Variants in DAPK1 observed in about 807,000 individuals in gnomAD.
The protein encoded by DAPK1 is death associated protein kinase 1.
In DAPK1, 56 loss-of-function variants were observed where a neutral mutation model predicts 144.9. The observed-to-expected ratio is 0.39, with a 90% CI of 0.31 to 0.48. DAPK1 has a LOEUF of 0.48. DAPK1 is among the 20% of genes least tolerant of loss of function. The pLI, the probability that DAPK1 is intolerant of heterozygous loss-of-function variation, is 0.95. For missense variants in DAPK1, 1,454 were observed against 1,875.4 expected (o/e 0.78, Z 4.15); for synonymous variants, 690 against 749.0 (o/e 0.92, Z 1.29).
At chr9:87,500,245 C>G (rs1824341890) in intron 2 of DAPK1, among the ~76,000 whole-genome samples, 1 of 152,160 alleles carries the variant, frequency 6.6e-6, no homozygotes, top group Non-Finnish European at 1.5e-5. Flanking sequence ...GAGTATTTCT[C>G]TAAATATTTA....
intron 2 of DAPK1, among the ~76,000 whole-genome samples, chr9:87,553,087 T>G (rs1983973): frequency 0.19 from 28,988 of 152,028 alleles, 4,203 homozygotes; most frequent in African/African-American, 0.39. Context: ...CTTTCTACTT[T>G]CTGTCTCTGA....
At chr9:87,552,404 G>A (rs572783853) in intron 2 of DAPK1, among the ~76,000 whole-genome samples, 4 of 130,506 alleles carry the variant, frequency 3.1e-5, no homozygotes, top group African/African-American at 5.3e-5. Context: ...CAGTGACGGG[G>A]CACCACTTTC....
chr9:87,622,368 A>G (rs558378779), intron 3 of DAPK1, among the ~76,000 whole-genome samples: 1 of 152,184 alleles, frequency 6.6e-6, no homozygotes, highest in East Asian at 2.0e-4. Context: ...CTGCCTGAGC[A>G]GCAGGCTCCG....
intron 21 of DAPK1, among the ~76,000 whole-genome samples, chr9:87,692,989 T>C (rs1407260929): frequency 8.0e-6 from 1 of 125,188 alleles, no homozygotes; most frequent in Admixed American, 7.8e-5. Flanking sequence ...TTTTTTTTTT[T>C]TTCTGTTTTC....
rs1456004431 is a variant in DAPK1, at chr9:87,597,535, G to T, written c.63-7419G>T. ...TTCTTGGCTTCTCTGAGAAGTTCAC[G>T]AAGCTTAGACAGCTTGGTAATTTTC... On this transcript the variant is annotated intron_variant, in intron 2 of 25. Coordinates refer to ENST00000408954, the MANE Select transcript of DAPK1 (RefSeq NM_004938.4). 5.9e-5 allele frequency among the ~76,000 whole-genome samples: 9 copies of T among 152,260 alleles called. 1 individual carries two copies. The highest frequency in any genetic ancestry group is 4.6e-4 in the Admixed American group (7 of 15,294).
rs149755997 is a variant in DAPK1, at chr9:87,673,889, C to T, written c.2001+5215C>T. On this transcript the variant is annotated intron_variant, in intron 19 of 25. Coordinates refer to ENST00000408954, the MANE Select transcript of DAPK1 (RefSeq NM_004938.4). ...AGAGCCCGCGCTTGGCTGTAGGTAC[C>T]ACCTTATCACAGAGGGAAGTTGTAC... 1.3e-3 allele frequency among the ~76,000 whole-genome samples: 194 copies of T among 152,188 alleles called. 1 individual carries two copies. Among genetic ancestry groups the T allele is most frequent in the African/African-American group, 4.2e-3 (175 of 41,546 alleles).
At chr9:87,510,226 C>T (rs970665516) in intron 2 of DAPK1, among the ~76,000 whole-genome samples, 4 of 152,084 alleles carry the variant, frequency 2.6e-5, no homozygotes, top group South Asian at 2.1e-4. Flanking sequence ...ATGTCAGCCT[C>T]GTGGCCATGG....
intron 2 of DAPK1, among the ~76,000 whole-genome samples, chr9:87,503,140 T>C (rs1824469749): frequency 6.6e-6 from 1 of 152,206 alleles, no homozygotes; most frequent in Non-Finnish European, 1.5e-5. Context: ...TTTAAACATC[T>C]GACATGCAGT....
chr9:87,577,959 T>C lies in DAPK1; in HGVS notation c.63-26995T>C, dbSNP rs576856997. Among the ~76,000 whole-genome samples the C allele has an allele frequency of 4.6e-5, 7 of 152,244 alleles. No individual in the cohort carries two copies. The South Asian group carries it at 1.5e-3, about 32-fold the overall frequency. ...GGAGGAAGAATTATTTTGGAACAGG[T>C]GCTCAGAGGCGATGACAGGGATGAG... On this transcript the variant is annotated intron_variant, in intron 2 of 25. Coordinates refer to ENST00000408954, the MANE Select transcript of DAPK1 (RefSeq NM_004938.4).
intron 3 of DAPK1, among the ~76,000 whole-genome samples, chr9:87,609,689 G>C (rs36207733): frequency 2.2e-4 from 33 of 152,178 alleles, no homozygotes; most frequent in African/African-American, 7.7e-4. Flanking sequence ...TAAGAATGCT[G>C]AAGTACAGGG....
chr9:87,564,085 C>T (rs1434107712), intron 2 of DAPK1, among the ~76,000 whole-genome samples: 1 of 152,234 alleles, frequency 6.6e-6, no homozygotes, highest in East Asian at 1.9e-4. Flanking sequence ...CGGATTCCCT[C>T]TGGTGCCCTC....
intron 2 of DAPK1, among the ~76,000 whole-genome samples, chr9:87,575,714 C>T (rs1368131533): frequency 6.6e-6 from 1 of 152,146 alleles, no homozygotes; most frequent in Non-Finnish European, 1.5e-5. Flanking sequence ...GTGGGCTGAA[C>T]GTTATCTCTC....
upstream of DAPK1, chr9:87,497,257 G>A (rs1564109556): frequency 6.6e-6 from 1 of 152,120 alleles, no homozygotes; most frequent in African/African-American, 2.4e-5. Flanking sequence ...TTGCCTTCAA[G>A]CCTCGGCTCC....
At chr9:87,560,826 C>T (rs576506711) in intron 2 of DAPK1, among the ~76,000 whole-genome samples, 29 of 152,038 alleles carry the variant, frequency 1.9e-4, no homozygotes, top group African/African-American at 5.3e-4. Context: ...CCACCACGCC[C>T]GGCTAACTTT....
intron 2 of DAPK1, among the ~76,000 whole-genome samples, chr9:87,557,420 G>C (rs1355950119): frequency 6.6e-6 from 1 of 152,172 alleles, no homozygotes; most frequent in East Asian, 1.9e-4. Flanking sequence ...AGAAAATACA[G>C]CTTTCTTCCT....
chr9:87,608,429 C>T (rs1196871686), intron 3 of DAPK1, among the ~76,000 whole-genome samples: 3 of 152,212 alleles, frequency 2.0e-5, no homozygotes, highest in Non-Finnish European at 4.4e-5. Context: ...AAAACTGCTA[C>T]AAACATTCCC....
At chr9:87,544,852 T>C (rs964955001) in intron 2 of DAPK1, among the ~76,000 whole-genome samples, 2 of 152,056 alleles carry the variant, frequency 1.3e-5, no homozygotes, top group Non-Finnish European at 2.9e-5. Flanking sequence ...GAGGATGAAA[T>C]TGAACAGTGA....
At chr9:87,576,395 G>A (rs149282439) in intron 2 of DAPK1, among the ~76,000 whole-genome samples, 149 of 152,276 alleles carry the variant, frequency 9.8e-4, no homozygotes, top group African/African-American at 3.4e-3. Flanking sequence ...CTCTTCAGGC[G>A]CGTGTTTGCT....
intron 10 of DAPK1, 44 bp from the exon 11 acceptor site, chr9:87,643,332 T>C (rs1564040740): frequency 1.6e-6 from 2 of 1,288,348 alleles, no homozygotes; most frequent in East Asian, 5.0e-5. Context: ...CCTGCCTTTT[T>C]CCTCCCCGCC....
Sources: gnomAD v4.1 joint callset for allele counts (sites outside exome capture counted in the v4.1 genomes callset) on GRCh38, gnomAD v4.1.1 for gene constraint, MANE v1.5 for transcripts, NCBI Gene and HGNC (gene_info 2026-07-23, HGNC 2026-07-21) for gene names.